The following TCAIM variants were observed in gnomAD, a reference collection of about 807,000 sequenced individuals.
TCAIM encodes T cell activation inhibitor, mitochondrial.
In TCAIM, 36 loss-of-function variants were observed where a neutral mutation model predicts 58.6. That is an observed-to-expected ratio of 0.61 (90% CI 0.47 to 0.81). TCAIM has a LOEUF of 0.81. Ranked by LOEUF, TCAIM falls within the 30% of genes least tolerant of loss-of-function variation. TCAIM has a pLI of 0.00. For missense variants in TCAIM, 466 were observed against 579.6 expected (o/e 0.80, Z 2.01); for synonymous variants, 172 against 193.6 (o/e 0.89, Z 0.93).
chr3:44,389,875 C>T (rs781123545), intron 5 of TCAIM, among the ~76,000 whole-genome samples: 3 of 152,100 alleles, frequency 2.0e-5, no homozygotes, highest in East Asian at 1.9e-4. Context: ...ATGCCCTTCT[C>T]TCCCTCTAAG....
intron 5 of TCAIM, among the ~76,000 whole-genome samples, chr3:44,389,746 TA>T (rs5848697): frequency 4.3e-4 from 63 of 147,680 alleles, no homozygotes; most frequent in African/African-American, 7.7e-4. Flanking sequence ...GTCATTGAAT[TA>T]AAAAAAAAAA....
At chr3:44,355,292 A>G (rs1701170742) in intron 2 of TCAIM, among the ~76,000 whole-genome samples, 1 of 152,224 alleles carries the variant, frequency 6.6e-6, no homozygotes, top group African/African-American at 2.4e-5. Context: ...GAAATTATGT[A>G]GGACAGAAAG....
At chr3:44,356,829 A>G (rs1200435355) in intron 2 of TCAIM, among the ~76,000 whole-genome samples, 1 of 149,086 alleles carries the variant, frequency 6.7e-6, no homozygotes, top group Non-Finnish European at 1.5e-5. Flanking sequence ...AAAAAAAAAC[A>G]GTCGGCGGTA....
At chr3:44,392,429 G>T (rs1021787967) in intron 5 of TCAIM, among the ~76,000 whole-genome samples, 5 of 151,974 alleles carry the variant, frequency 3.3e-5, no homozygotes, top group Non-Finnish European at 4.4e-5. Context: ...TGTTACCTAG[G>T]TACTAAGCCT....
intron 5 of TCAIM, among the ~76,000 whole-genome samples, chr3:44,370,385 G>A (rs1337812501): frequency 6.6e-6 from 1 of 151,584 alleles, no homozygotes; most frequent in Non-Finnish European, 1.5e-5. Flanking sequence ...GAACCGGGGA[G>A]GTGGAGGTTG....
chr3:44,387,916 A>C (rs1263331441), intron 5 of TCAIM, among the ~76,000 whole-genome samples: 1 of 152,166 alleles, frequency 6.6e-6, no homozygotes, highest in Non-Finnish European at 1.5e-5. Context: ...ACTAAAATAA[A>C]AAAAGAAAGA....
intron 10 of TCAIM, among the ~76,000 whole-genome samples, chr3:44,406,188 T>G (rs1702097902): frequency 6.6e-6 from 1 of 152,168 alleles, no homozygotes. Flanking sequence ...AGGCTTCTCC[T>G]AAAAGGAATG....
chr3:44,369,456 T>A (rs968137078), intron 5 of TCAIM, among the ~76,000 whole-genome samples: 19 of 152,314 alleles, frequency 1.2e-4, no homozygotes, highest in African/African-American at 4.6e-4. Context: ...TGTGGTTCAG[T>A]TGAGTATTTC....
chr3:44,343,284 A>G (rs2372687), intron 1 of TCAIM, among the ~76,000 whole-genome samples: 131,089 of 152,178 alleles, frequency 0.86, 56,520 homozygotes, highest in Middle Eastern at 0.93. Context: ...TTTGAATACA[A>G]ATCTCAAGCC....
At chr3:44,400,736 C>T (rs916145486) in intron 9 of TCAIM, 149 bp downstream of exon 9, 2 of 679,334 alleles carry the variant, frequency 2.9e-6, no homozygotes, top group African/African-American at 3.6e-5. Context: ...CCCTCTTCTA[C>T]ACACTAGAAA....
At chr3:44,373,834 G>T (rs1701521646) in intron 5 of TCAIM, among the ~76,000 whole-genome samples, 1 of 152,032 alleles carries the variant, frequency 6.6e-6, no homozygotes, top group Non-Finnish European at 1.5e-5. Context: ...AAACAAAAAT[G>T]TACTTTAATT....
At chr3:44,380,909 G>C (rs1701645546) in intron 5 of TCAIM, among the ~76,000 whole-genome samples, 1 of 151,986 alleles carries the variant, frequency 6.6e-6, no homozygotes, top group Non-Finnish European at 1.5e-5. Context: ...TAAATAAAAT[G>C]GACATATTTC....
intron 4 of TCAIM, among the ~76,000 whole-genome samples, chr3:44,366,105 T>A (rs1701369836): frequency 6.6e-6 from 1 of 152,220 alleles, no homozygotes; most frequent in Admixed American, 6.5e-5. Context: ...TTCCTTCACA[T>A]TTGACAAGAG....
chr3:44,388,257 G>A (rs917735686), intron 5 of TCAIM, among the ~76,000 whole-genome samples: 6 of 152,024 alleles, frequency 3.9e-5, no homozygotes, highest in African/African-American at 1.2e-4. Flanking sequence ...TTTTCTGATC[G>A]CTACCCTTTA....
At chr3:44,341,385 C>T (rs1246121696) in intron 1 of TCAIM, 2 of 152,102 alleles carry the variant, frequency 1.3e-5, no homozygotes, top group Admixed American at 1.3e-4. Context: ...TATTGGTTAG[C>T]AAGTGCCACC....
intron 5 of TCAIM, among the ~76,000 whole-genome samples, chr3:44,386,066 G>A (rs1211055572): frequency 6.6e-6 from 1 of 150,812 alleles, no homozygotes; most frequent in Non-Finnish European, 1.5e-5. Flanking sequence ...GCAGGAATAG[G>A]GCCAGGCAGA....
chr3:44,371,910 T>TAA (rs1233203226), intron 5 of TCAIM, among the ~76,000 whole-genome samples: 7 of 152,064 alleles, frequency 4.6e-5, no homozygotes, highest in Non-Finnish European at 7.4e-5. Context: ...GATCCACTCT[T>TAA]ACACGGATTT....
chr3:44,406,687 TTAAA>T (rs1338242961), intron 10 of TCAIM, among the ~76,000 whole-genome samples: 1 of 152,210 alleles, frequency 6.6e-6, no homozygotes, highest in African/African-American at 2.4e-5. Flanking sequence ...ATGAAGTATT[TTAAA>T]TAGACTGGTT....
chr3:44,347,945 C>CTG (rs1228899422), intron 1 of TCAIM, among the ~76,000 whole-genome samples: 1 of 152,070 alleles, frequency 6.6e-6, no homozygotes, highest in Non-Finnish European at 1.5e-5. Flanking sequence ...TGAGGTGTGG[C>CTG]TGTAGCCTAG....
Sources: allele counts gnomAD v4.1 joint callset (sites outside exome capture counted in the v4.1 genomes callset), GRCh38; gene constraint gnomAD v4.1.1; transcripts MANE v1.5; gene names NCBI Gene and HGNC (gene_info 2026-07-23, HGNC 2026-07-21).